CDK7: variants seen among roughly 807,000 people sequenced by gnomAD.
The protein encoded by CDK7 is cyclin dependent kinase 7.
In CDK7, 25 loss-of-function variants were observed where a neutral mutation model predicts 49.1. That is an observed-to-expected ratio of 0.51 (90% CI 0.37 to 0.71). CDK7 has a LOEUF of 0.71. CDK7 is among the 30% of genes least tolerant of loss of function. CDK7 has a pLI of 0.00. For missense variants in CDK7, 316 were observed against 411.7 expected (o/e 0.77, Z 2.01); for synonymous variants, 107 against 140.0 (o/e 0.76, Z 1.67).
At chr5:69,248,846 C>T (rs1166887531) in intron 2 of CDK7, among the ~76,000 whole-genome samples, 3 of 136,756 alleles carry the variant, frequency 2.2e-5, no homozygotes, top group African/African-American at 8.2e-5. Flanking sequence ...TTTTCTTGCC[C>T]AGGCTGGAGT....
chr5:69,270,382 C>G (rs1052664956), intron 9 of CDK7, among the ~76,000 whole-genome samples: 2 of 152,194 alleles, frequency 1.3e-5, no homozygotes, highest in Non-Finnish European at 2.9e-5. Context: ...GAAGTCAAGG[C>G]TGCAGTGAGC....
intron 8 of CDK7, among the ~76,000 whole-genome samples, chr5:69,263,702 G>C (rs900771704): frequency 2.6e-5 from 4 of 152,150 alleles, no homozygotes; most frequent in African/African-American, 9.7e-5. Context: ...TGAACATAGA[G>C]TATACCAGAA....
chr5:69,259,746 C>CCA, intron 6 of CDK7, 72 bp from the exon 7 acceptor site: 1 of 888,674 alleles, frequency 1.1e-6, no homozygotes, highest in Non-Finnish European at 1.8e-6. Context: ...TAAAGTTATG[C>CCA]CAACTAAATG....
intron 10 of CDK7, among the ~76,000 whole-genome samples, chr5:69,275,638 A>G (rs1319880880): frequency 1.3e-5 from 2 of 152,232 alleles, no homozygotes; most frequent in Non-Finnish European, 2.9e-5. Flanking sequence ...ACTTTGTTTT[A>G]TGTACAAAAT....
At chr5:69,258,587 T>C (rs2150210842) in intron 6 of CDK7, among the ~76,000 whole-genome samples, 1 of 152,232 alleles carries the variant, frequency 6.6e-6, no homozygotes, top group Non-Finnish European at 1.5e-5. Context: ...TTTCACCGTG[T>C]TAGCCAGAAT....
chr5:69,263,562 C>T (rs1312910019), intron 8 of CDK7, among the ~76,000 whole-genome samples: 1 of 152,132 alleles, frequency 6.6e-6, no homozygotes, highest in African/African-American at 2.4e-5. Context: ...TTCTGTGCAT[C>T]ATTTTGAGAA....
rs928897583 is a variant in CDK7, at chr5:69,274,767, C to A, written c.864+1726C>A. Among the ~76,000 whole-genome samples, 5 of 152,080 alleles carry A rather than the reference C, an allele frequency of 3.3e-5. No individual in the cohort carries two copies. In the East Asian group the frequency reaches 9.6e-4, roughly 29 times the overall value. On this transcript the variant is annotated intron_variant, in intron 10 of 11. Coordinates refer to ENST00000256443, the MANE Select transcript of CDK7 (RefSeq NM_001799.4). Reference sequence around the variant, plus strand: ...AGTAGCTGGGATTACAGGTGCACACCACCATGCCTGGCTAATTTTTGGATT... The same window carrying A: ...AGTAGCTGGGATTACAGGTGCACACAACCATGCCTGGCTAATTTTTGGATT...
chr5:69,259,376 G>A (rs1038544858), intron 6 of CDK7, among the ~76,000 whole-genome samples: 3 of 152,060 alleles, frequency 2.0e-5, no homozygotes, highest in Non-Finnish European at 2.9e-5. Flanking sequence ...TTCTCATATC[G>A]TAAGTTTGGA....
At chr5:69,269,336 G>A in intron 9 of CDK7, 43 bp downstream of exon 9, 1 of 1,381,028 alleles carries the variant, frequency 7.2e-7, no homozygotes, top group Non-Finnish European at 1.0e-6. Context: ...TTAGGACTCT[G>A]TAAAGTTCTT....
Position 69,269,242 on chromosome 5 carries a change from G to A in CDK7, c.663G>A (p.Gln221=). ...PFLPGDSDLD[Q]LTRIFETLGT... is the part of the protein sequence containing the mutation. ...TGCCAGGAGATTCAGACCTTGATCA[G>A]CTAACAAGAATATTTGAAACTTTGG... The change falls in exon 9 of 12, where the codon CAG becomes CAA. Residue 221 remains glutamine, a synonymous_variant. Coordinates refer to ENST00000256443, the MANE Select transcript of CDK7 (RefSeq NM_001799.4). 1 of 1,612,282 alleles carries A rather than the reference G, an allele frequency of 6.2e-7. No individual in the cohort carries two copies.
At chr5:69,251,627 C>G (rs1009576829) in intron 2 of CDK7, among the ~76,000 whole-genome samples, 4 of 152,108 alleles carry the variant, frequency 2.6e-5, no homozygotes, top group Admixed American at 6.6e-5. Flanking sequence ...GTAGCCTGGG[C>G]TCAAGCAATC....
chr5:69,256,895 A>G (rs1405078669), intron 5 of CDK7, among the ~76,000 whole-genome samples: 3 of 152,202 alleles, frequency 2.0e-5, no homozygotes, highest in Non-Finnish European at 4.4e-5. Flanking sequence ...GTATGCCAGA[A>G]TTCAGTTGGT....
rs1174600965 is a variant in CDK7, at chr5:69,258,769, A to G, written c.408+616A>G. On this transcript the variant is annotated intron_variant, in intron 6 of 11. Transcript: ENST00000256443. ...TTTCAAGGTTGGCTGCTGATAATGGACAGAGTATTAAAACATAGGTTTTGA... is the reference window on the plus strand; with the variant it reads ...TTTCAAGGTTGGCTGCTGATAATGGGCAGAGTATTAAAACATAGGTTTTGA... Among the ~76,000 whole-genome samples, 7 of 152,210 alleles carry G rather than the reference A, an allele frequency of 4.6e-5. No individual in the cohort carries two copies. In the East Asian group the frequency reaches 1.4e-3, roughly 29 times the overall value.
At chr5:69,269,369 G>A (rs923615189) in intron 9 of CDK7, 76 bp downstream of exon 9, 1 of 884,840 alleles carries the variant, frequency 1.1e-6, no homozygotes. Context: ...ACTTTATATA[G>A]TGCTGTCACG....
intron 3 of CDK7, among the ~76,000 whole-genome samples, chr5:69,253,846 C>T (rs2972364): frequency 0.28 from 42,534 of 152,050 alleles, 6,544 homozygotes; most frequent in East Asian, 0.4. Context: ...CGCCTGTAAT[C>T]CCAGCACTTT....
chr5:69,235,638 A>G, intron 2 of CDK7, 185 bp downstream of exon 2: 1 of 612,006 alleles, frequency 1.6e-6, no homozygotes, highest in East Asian at 2.8e-5. Flanking sequence ...AACCCGTTTT[A>G]ATTTCTATTG....
intron 7 of CDK7, 82 bp from the exon 8 acceptor site, chr5:69,262,123 A>G: frequency 6.4e-7 from 1 of 1,568,920 alleles, no homozygotes; most frequent in South Asian, 1.1e-5. Flanking sequence ...AACAGAAAAC[A>G]GACAAGGATC....
chr5:69,262,298 T>C lies in CDK7; in HGVS notation c.621T>C (p.Leu207=). 1 of 1,614,012 alleles carries C rather than the reference T, an allele frequency of 6.2e-7. No individual in the cohort carries two copies. The highest frequency in any genetic ancestry group is 8.5e-7 in the Non-Finnish European group (1 of 1,179,902). ...TTGGCTGTATATTAGCAGAGTTACT[T>C]CTAAGGGTAAGTCTAAATTAATGTA... The part of the protein sequence containing the change: ...WAVGCILAEL[L]LRVPFLPGDS... Residue 207 remains leucine (L), a synonymous_variant, in exon 8 of 12, where the codon CTT becomes CTC. Transcript: ENST00000256443.
Position 69,265,947 on chromosome 5 carries a change from ACTTGGTAGTGCATGCCTGTAGTCCCAG to A in CDK7, c.628-3257_628-3231del, listed in dbSNP as rs549429973. On this transcript the variant is annotated intron_variant, in intron 8 of 11. Coordinates refer to ENST00000256443, the MANE Select transcript of CDK7 (RefSeq NM_001799.4). ...AAAAAGAAATCAAGAAATTAGCCAG[ACTTGGTAGTGCATGCCTGTAGTCCCAG>A]CTGCTTGGGAGGCTGAAGTGGGAGG... Among the ~76,000 whole-genome samples, 40 of 152,008 alleles carry A rather than the reference ACTTGGTAGTGCATGCCTGTAGTCCCAG, an allele frequency of 2.6e-4. 1 individual carries two copies. In the South Asian group the frequency reaches 7.3e-3, roughly 28 times the overall value.
Sources: gnomAD v4.1 joint callset for allele counts (sites outside exome capture counted in the v4.1 genomes callset) on GRCh38, gnomAD v4.1.1 for gene constraint, MANE v1.5 for transcripts, NCBI Gene and HGNC (gene_info 2026-07-23, HGNC 2026-07-21) for gene names.